The following MACO1 variants were observed in gnomAD, a reference collection of about 807,000 sequenced individuals.
The protein encoded by MACO1 is macoilin 1.
In MACO1, 14 loss-of-function variants were observed where a neutral mutation model predicts 78.7. The observed-to-expected ratio is 0.18, with a 90% CI of 0.12 to 0.28. The LOEUF (loss-of-function observed/expected upper bound fraction) is 0.28. Among genes scored for constraint, MACO1 ranks in the 10% least tolerant of loss-of-function variants. MACO1 has a pLI of 1.00. For synonymous variants in MACO1, 288 were observed against 291.6 expected (o/e 0.99, Z 0.12); for missense variants, 501 against 799.0 (o/e 0.63, Z 4.50).
chr1:25,442,224 A>T (rs2042979113), intron 1 of MACO1, among the ~76,000 whole-genome samples: 1 of 152,226 alleles, frequency 6.6e-6, no homozygotes, highest in African/African-American at 2.4e-5. Flanking sequence ...CAAGCCAGAT[A>T]AGGGGCTGAA....
intron 1 of MACO1, among the ~76,000 whole-genome samples, chr1:25,432,310 T>C (rs775016612): frequency 8.5e-5 from 13 of 152,242 alleles, no homozygotes; most frequent in Admixed American, 3.3e-4. Context: ...GTGGAATGAT[T>C]GCTTTCCACA....
intron 1 of MACO1, among the ~76,000 whole-genome samples, chr1:25,434,409 C>T (rs2042901942): frequency 6.6e-6 from 1 of 152,164 alleles, no homozygotes; most frequent in African/African-American, 2.4e-5. Context: ...CATGAAGTGC[C>T]TACGTTGTTC....
chr1:25,464,975 A>T (rs1343727786), intron 6 of MACO1, among the ~76,000 whole-genome samples: 1 of 141,200 alleles, frequency 7.1e-6, no homozygotes, highest in Admixed American at 7.1e-5. Context: ...CGCCCAGGCA[A>T]TTTTTTTTTT....
At chr1:25,478,750 G>T (rs898704959) in intron 6 of MACO1, among the ~76,000 whole-genome samples, 2 of 152,214 alleles carry the variant, frequency 1.3e-5, no homozygotes, top group Admixed American at 6.5e-5. Flanking sequence ...GGCTTGTTCA[G>T]TTGGACAAAA....
intron 3 of MACO1, among the ~76,000 whole-genome samples, chr1:25,452,615 T>C (rs2043076893): frequency 1.3e-5 from 2 of 152,236 alleles, no homozygotes. Context: ...TATTTCATTA[T>C]ATAGATTTAT....
chr1:25,460,126 G>A (rs552200750), intron 6 of MACO1, among the ~76,000 whole-genome samples: 1 of 152,246 alleles, frequency 6.6e-6, no homozygotes, highest in East Asian at 1.9e-4. Context: ...AGGTATATTT[G>A]GGTTCTACTA....
chr1:25,494,221 G>T (rs1405174212), intron 10 of MACO1, among the ~76,000 whole-genome samples: 1 of 152,188 alleles, frequency 6.6e-6, no homozygotes, highest in African/African-American at 2.4e-5. Context: ...GACCTAGGGT[G>T]AGCCCAGCAA....
chr1:25,468,601 C>T (rs138287522), intron 6 of MACO1, among the ~76,000 whole-genome samples: 17 of 152,226 alleles, frequency 1.1e-4, no homozygotes, highest in East Asian at 3.9e-4. Context: ...TCTTTTATTC[C>T]GCTCCAAATT....
chr1:25,470,767 ACCT>A (rs1487814327), intron 6 of MACO1, among the ~76,000 whole-genome samples: 1 of 152,188 alleles, frequency 6.6e-6, no homozygotes, highest in Non-Finnish European at 1.5e-5. Flanking sequence ...AGTGGTTCAC[ACCT>A]GTAATCCCAC....
chr1:25,467,983 A>G lies in MACO1; in HGVS notation c.1154+9091A>G, dbSNP rs1176051768. ...AACTTGCTTGCTTTTTCTGCTTTAT[A>G]TTTTTTTGGCTTTTTGTTTTGAATG... is the stretch of plus-strand genomic sequence containing the variant. On this transcript the variant is annotated intron_variant, in intron 6 of 10. Coordinates refer to ENST00000374343, the MANE Select transcript of MACO1 (RefSeq NM_018202.6). Among the ~76,000 whole-genome samples, 3 of 152,084 alleles carry G rather than the reference A, an allele frequency of 2.0e-5. No individual in the cohort carries two copies. In the East Asian group the frequency reaches 5.8e-4, roughly 29 times the overall value.
rs554897972 is a variant in MACO1 at position 25,481,509 on chromosome 1, C to T, written c.1155-2607C>T. ...AAACCAGGCTTAGCCCCTATTTTCA[C>T]CTAAAAACTCACCCTTTCTACTGAA... On this transcript the variant is annotated intron_variant, in intron 6 of 10. Transcript: ENST00000374343. 2.0e-5 allele frequency among the ~76,000 whole-genome samples: 3 copies of T among 152,290 alleles called. No homozygotes were observed. The South Asian group carries it at 6.2e-4, about 32-fold the overall frequency.
intron 6 of MACO1, among the ~76,000 whole-genome samples, chr1:25,473,899 A>C (rs540493913): frequency 1.3e-5 from 2 of 152,328 alleles, no homozygotes; most frequent in South Asian, 4.1e-4. Flanking sequence ...CACAAGGTAC[A>C]TTTCACTTTT....
At chr1:25,498,102 A>G (rs2043553591) in intron 10 of MACO1, among the ~76,000 whole-genome samples, 162 bp from the exon 11 acceptor site, 1 of 152,178 alleles carries the variant, frequency 6.6e-6, no homozygotes, top group Non-Finnish European at 1.5e-5. Context: ...GACACCTAAA[A>G]TATTTACTGT....
intron 6 of MACO1, among the ~76,000 whole-genome samples, chr1:25,481,510 C>T (rs969767090): frequency 1.3e-5 from 2 of 152,184 alleles, no homozygotes; most frequent in Admixed American, 6.5e-5. Context: ...CTATTTTCAC[C>T]TAAAAACTCA....
At chr1:25,492,038 G>C (rs1020685132) in intron 10 of MACO1, among the ~76,000 whole-genome samples, 3 of 152,156 alleles carry the variant, frequency 2.0e-5, no homozygotes, top group African/African-American at 7.2e-5. Context: ...GGTGGAGGGT[G>C]AGGGGTAGAG....
At chr1:25,493,139 A>G (rs1384900161) in intron 10 of MACO1, among the ~76,000 whole-genome samples, 2 of 152,226 alleles carry the variant, frequency 1.3e-5, no homozygotes, top group Admixed American at 1.3e-4. Flanking sequence ...CTTTTGTCTT[A>G]GGGACCCCTT....
Position 25,439,552 on chromosome 1 carries a change from T to A in MACO1, c.81-7210T>A, listed in dbSNP as rs1336477567. Among the ~76,000 whole-genome samples, 3 of 152,252 alleles carry A rather than the reference T, an allele frequency of 2.0e-5. No individual in the cohort carries two copies. In the South Asian group the frequency reaches 6.2e-4, roughly 32 times the overall value. On this transcript the variant is annotated intron_variant, in intron 1 of 10. Transcript: ENST00000374343. ...AGGCCTAGAATAGAAAAAAGAAATA[T>A]AGAACAGCTTGGTCTTCTCAGCCTG... is the stretch of plus-strand genomic sequence containing the variant.
Position 25,493,727 on chromosome 1 carries a change from C to CTTTTTTTTT in MACO1, c.1792+2158_1792+2166dup, listed in dbSNP as rs1189775109. Among the ~76,000 whole-genome samples, 5 of 92,056 alleles carry CTTTTTTTTT rather than the reference C, an allele frequency of 5.4e-5. 1 individual carries two copies. The highest frequency in any genetic ancestry group is 1.8e-4 in the African/African-American group (4 of 21,748). 60.4% of individuals were successfully genotyped at this position (92,056 alleles called of 152,430 possible). ...TGACTTAACAGAAGATAGTTTGATT[C>CTTTTTTTTT]TTTTTTTTTTTTTTTTTTTTTTTGA... On this transcript the variant is annotated intron_variant, in intron 10 of 10. Coordinates refer to ENST00000374343, the MANE Select transcript of MACO1 (RefSeq NM_018202.6).
intron 8 of MACO1, among the ~76,000 whole-genome samples, chr1:25,488,790 A>G (rs972673758): frequency 1.3e-5 from 2 of 151,556 alleles, no homozygotes; most frequent in African/African-American, 2.4e-5. Context: ...CGGCCAACCT[A>G]TAGTCTTTTT....
Sources: allele counts gnomAD v4.1 joint callset (sites outside exome capture counted in the v4.1 genomes callset), GRCh38; gene constraint gnomAD v4.1.1; transcripts MANE v1.5; gene names NCBI Gene and HGNC (gene_info 2026-07-23, HGNC 2026-07-21).